Variants in CTNNA3 observed in about 807,000 individuals in gnomAD.
The protein encoded by CTNNA3 is catenin alpha-3.
In CTNNA3, 76 loss-of-function variants were observed where a neutral mutation model predicts 95.7. That is an observed-to-expected ratio of 0.79 (90% CI 0.66 to 0.96). The LOEUF is 0.96. Among genes scored for constraint, CTNNA3 ranks in the 40% least tolerant of loss-of-function variants. The pLI, the probability that CTNNA3 is intolerant of heterozygous loss-of-function variation, is 0.00. For synonymous variants in CTNNA3, 431 were observed against 374.4 expected (o/e 1.15, Z -1.74); for missense variants, 1,191 against 1,089.8 (o/e 1.09, Z -1.31).
chr10:66,363,278 T>C (rs540406430), intron 12 of CTNNA3, among the ~76,000 whole-genome samples: 1 of 152,336 alleles, frequency 6.6e-6, no homozygotes, highest in African/African-American at 2.4e-5. Context: ...CTCAAATTCA[T>C]GTTGAAACCC....
At chr10:66,589,838 T>C (rs2132225296) in intron 10 of CTNNA3, among the ~76,000 whole-genome samples, 1 of 152,260 alleles carries the variant, frequency 6.6e-6, no homozygotes, top group Non-Finnish European at 1.5e-5. Context: ...ATCCCACACA[T>C]TTCAATGGGA....
At chr10:67,673,634 T>A (rs1840482777) in intron 1 of CTNNA3, among the ~76,000 whole-genome samples, 1 of 147,546 alleles carries the variant, frequency 6.8e-6, no homozygotes, top group Non-Finnish European at 1.5e-5. Flanking sequence ...GGTTTTTGTC[T>A]TTGGTTCTGT....
chr10:66,972,010 T>G (rs1849749787), intron 7 of CTNNA3, among the ~76,000 whole-genome samples: 1 of 152,138 alleles, frequency 6.6e-6, no homozygotes, highest in Non-Finnish European at 1.5e-5. Flanking sequence ...TCTTGAAAAT[T>G]TTCCTCATTG....
chr10:66,696,929 A>G (rs1428028916), intron 9 of CTNNA3, among the ~76,000 whole-genome samples: 2 of 152,090 alleles, frequency 1.3e-5, no homozygotes, highest in African/African-American at 2.4e-5. Flanking sequence ...TGAAGAAAGA[A>G]AGAAATACAT....
Position 66,360,674 on chromosome 10 carries a change from C to CCTTTTCTTTCTTTCTTTCTTTCTTTCTTT in CTNNA3, c.1732+18477_1732+18478insAAAGAAAGAAAGAAAGAAAGAAAGAAAAG, listed in dbSNP as rs1491054021. On this transcript the variant is annotated intron_variant, in intron 12 of 17. Transcript: ENST00000433211. Reference sequence around the variant, plus strand: ...TTCTTTCTTTCTTCCTTCCTTCCTTCCTTCCTTCCTTCCTTCCTTTTCTTT... The same window carrying CCTTTTCTTTCTTTCTTTCTTTCTTTCTTT: ...TTCTTTCTTTCTTCCTTCCTTCCTTCCTTTTCTTTCTTTCTTTCTTTCTTTCTTTCTTCCTTCCTTCCTTCCTTTTCTTT... 1.3e-4 allele frequency among the ~76,000 whole-genome samples: 10 copies of CCTTTTCTTTCTTTCTTTCTTTCTTTCTTT among 75,830 alleles called. 1 individual carries two copies. The highest frequency in any genetic ancestry group is 1.8e-4 in the Non-Finnish European group (6 of 33,412). 49.7% of individuals were successfully genotyped at this position (75,830 alleles called of 152,430 possible).
At chr10:66,800,212 TCTG>T (rs574110559) in intron 7 of CTNNA3, among the ~76,000 whole-genome samples, 10 of 151,384 alleles carry the variant, frequency 6.6e-5, no homozygotes, top group Non-Finnish European at 1.5e-4. Flanking sequence ...ACCCATGTAC[TCTG>T]CTTATATTTT....
chr10:66,552,177 A>C (rs1842240669), intron 10 of CTNNA3, among the ~76,000 whole-genome samples: 1 of 152,098 alleles, frequency 6.6e-6, no homozygotes, highest in Non-Finnish European at 1.5e-5. Context: ...TGCTGGGATT[A>C]TAGGCATGAG....
intron 17 of CTNNA3, among the ~76,000 whole-genome samples, chr10:65,962,466 T>G (rs2133244253): frequency 6.6e-6 from 1 of 152,316 alleles, no homozygotes; most frequent in South Asian, 2.1e-4. Flanking sequence ...TCTAAACATA[T>G]TTTCCTCAGA....
intron 9 of CTNNA3, among the ~76,000 whole-genome samples, chr10:66,642,384 A>G (rs1344464486): frequency 2.0e-5 from 3 of 152,056 alleles, no homozygotes; most frequent in Non-Finnish European, 4.4e-5. Flanking sequence ...GAATATATTC[A>G]CAGAAAATCA....
At position 67,580,179 on chromosome 10, in the gene CTNNA3, T is replaced by C. The variant is rs571437708; in HGVS notation, c.292+26678A>G. ...CCTAGGTTTTCTTCTAGGGCTCTTA[T>C]GGTTTTAGGTCTGACATTTAAATCT... On this transcript the variant is annotated intron_variant, in intron 3 of 17. Transcript: ENST00000433211. Among the ~76,000 whole-genome samples, 18 of 152,350 alleles carry C rather than the reference T, an allele frequency of 1.2e-4. No homozygotes were observed. In the South Asian group the frequency reaches 2.9e-3, roughly 25 times the overall value.
rs565585573 is a variant in CTNNA3, at chr10:67,136,233, A to G, written c.1047+44084T>C. ...CCTTATATTTTCTATTTTTAGGGTA[A>G]TTTCTATTTTCCTTATACCACTATT... is the stretch of plus-strand genomic sequence containing the variant. On this transcript the variant is annotated intron_variant, in intron 7 of 17. Coordinates refer to ENST00000433211, the MANE Select transcript of CTNNA3 (RefSeq NM_013266.4). Among the ~76,000 whole-genome samples the G allele has an allele frequency of 2.4e-4, 36 of 151,916 alleles. No individual in the cohort carries two copies. In the East Asian group the frequency reaches 4.8e-3, roughly 20 times the overall value.
chr10:66,694,978 AT>A (rs1393510495), intron 9 of CTNNA3, among the ~76,000 whole-genome samples: 14 of 152,150 alleles, frequency 9.2e-5, no homozygotes, highest in Admixed American at 7.2e-4. Context: ...CATTAAGGTG[AT>A]TTCATTTTGA....
Position 66,422,253 on chromosome 10 carries a change from CTAA to C in CTNNA3, c.1532-42904_1532-42902del, listed in dbSNP as rs2093202284. On this transcript the variant is annotated intron_variant, in intron 11 of 17. Transcript: ENST00000433211. ...TGATCACAAATTGCTCAAAATGAAA[CTAA>C]TAAGATTTGAAAATATATATTAATA... is the stretch of plus-strand genomic sequence containing the variant. 2.6e-5 allele frequency among the ~76,000 whole-genome samples: 4 copies of C among 152,152 alleles called. No homozygotes were observed. The South Asian group carries it at 8.3e-4, about 32-fold the overall frequency.
chr10:66,978,146 G>T (rs1275688129), intron 7 of CTNNA3, among the ~76,000 whole-genome samples: 1 of 151,760 alleles, frequency 6.6e-6, no homozygotes. Flanking sequence ...ATGGGGAGTT[G>T]CTATTCAATA....
At chr10:66,348,285 GC>G (rs1436229634) in intron 12 of CTNNA3, among the ~76,000 whole-genome samples, 1 of 151,968 alleles carries the variant, frequency 6.6e-6, no homozygotes, top group East Asian at 1.9e-4. Context: ...AAAAGAACAG[GC>G]TTTGAACAGC....
chr10:67,191,399 A>G lies in CTNNA3; in HGVS notation c.844-10879T>C, dbSNP rs78481040. Among the ~76,000 whole-genome samples the G allele has an allele frequency of 0.011, 1,708 of 152,062 alleles. 92 individuals carry two copies. In the East Asian group the frequency reaches 0.17, roughly 15 times the overall value. On this transcript the variant is annotated intron_variant, in intron 6 of 17. Transcript: ENST00000433211. ...CTATTATAACTAGTAAACAAATCCA[A>G]TAAAGTTGCAGGATACAAAACCAAA...
intron 5 of CTNNA3, among the ~76,000 whole-genome samples, chr10:67,405,450 G>C (rs1043075080): frequency 6.6e-6 from 1 of 152,106 alleles, no homozygotes; most frequent in Non-Finnish European, 1.5e-5. Context: ...AGACAAAGAA[G>C]AGTATTACAT....
intron 12 of CTNNA3, among the ~76,000 whole-genome samples, chr10:66,331,413 G>A (rs1265568783): frequency 1.5e-5 from 2 of 135,390 alleles, no homozygotes; most frequent in South Asian, 2.4e-4. Flanking sequence ...GAGTGCAGTG[G>A]CGCGATCTCG....
intron 15 of CTNNA3, among the ~76,000 whole-genome samples, chr10:65,990,011 T>A (rs1169298663): frequency 6.6e-6 from 1 of 151,724 alleles, no homozygotes; most frequent in Non-Finnish European, 1.5e-5. Context: ...TCCAGGCTCA[T>A]CCAAGTTGCT....
Sources: allele counts gnomAD v4.1 joint callset (sites outside exome capture counted in the v4.1 genomes callset), GRCh38; gene constraint gnomAD v4.1.1; transcripts MANE v1.5; gene names NCBI Gene and HGNC (gene_info 2026-07-23, HGNC 2026-07-21).